Variants in TPO observed in about 807,000 individuals in gnomAD.
TPO encodes the protein thyroid peroxidase, also known as thyroid microsomal antigen.
TPO carries 78 observed loss-of-function variants against 96.9 expected under a neutral mutation model. The ratio of observed to expected loss-of-function variants is 0.81; its 90% CI spans 0.67 to 0.97. TPO has a LOEUF of 0.97. TPO is among the 50% of genes least tolerant of loss of function. The pLI is 0.00. For missense variants in TPO, 1,252 were observed against 1,274.8 expected (o/e 0.98, Z 0.27); for synonymous variants, 547 against 538.0 (o/e 1.02, Z -0.23).
chr2:1,484,588 C>T lies in TPO; in HGVS notation c.1339-8C>T. Reference sequence around the variant, plus strand: ...GGCCTCACTGAGATGCTTTTCCTATCTGCACAGATCATCACCCTGAGGGAT... The same window carrying T: ...GGCCTCACTGAGATGCTTTTCCTATTTGCACAGATCATCACCCTGAGGGAT... On this transcript the variant is annotated splice_polypyrimidine_tract_variant and splice_region_variant and intron_variant, in intron 8 of 16. Coordinates refer to ENST00000329066, the MANE Select transcript of TPO (RefSeq NM_001206744.2). 1 of 1,614,100 alleles carries T rather than the reference C, an allele frequency of 6.2e-7. No homozygotes were observed. The highest frequency in any genetic ancestry group is 8.5e-7 in the Non-Finnish European group (1 of 1,180,030).
chr2:1,475,600 T>A (rs1573340047), intron 7 of TPO, among the ~76,000 whole-genome samples: 1 of 152,148 alleles, frequency 6.6e-6, no homozygotes, highest in East Asian at 1.9e-4. Context: ...ATTTTTTGTA[T>A]TTTAAGTAGA....
At chr2:1,514,484 T>C (rs1302812712) in intron 14 of TPO, among the ~76,000 whole-genome samples, 1 of 152,184 alleles carries the variant, frequency 6.6e-6, no homozygotes, top group Non-Finnish European at 1.5e-5. Flanking sequence ...CCGATGCCGT[T>C]TCTTTCCAAA....
intron 7 of TPO, among the ~76,000 whole-genome samples, chr2:1,476,722 G>T (rs942938645): frequency 6.6e-6 from 1 of 152,226 alleles, no homozygotes; most frequent in African/African-American, 2.4e-5. Context: ...CTAGGATGTG[G>T]GGTCCATCCT....
At chr2:1,523,185 T>C (rs1407355276) in intron 15 of TPO, among the ~76,000 whole-genome samples, 27 of 43,786 alleles carry the variant, frequency 6.2e-4, no homozygotes, top group South Asian at 9.0e-4. Context: ...CCTCCTCAAA[T>C]CCCCCCAACT....
chr2:1,431,146 G>A (rs958947807), intron 3 of TPO, among the ~76,000 whole-genome samples: 2 of 151,964 alleles, frequency 1.3e-5, no homozygotes, highest in Non-Finnish European at 2.9e-5. Flanking sequence ...GGTGAGAGGC[G>A]ATTGGATCAC....
At chr2:1,423,428 G>C (rs1663995958) in intron 3 of TPO, among the ~76,000 whole-genome samples, 1 of 152,126 alleles carries the variant, frequency 6.6e-6, no homozygotes, top group East Asian at 1.9e-4. Context: ...CTCTTCTCCA[G>C]GATTAGGACA....
intron 13 of TPO, among the ~76,000 whole-genome samples, chr2:1,497,607 A>G (rs1388804589): frequency 6.6e-6 from 1 of 152,166 alleles, no homozygotes; most frequent in Non-Finnish European, 1.5e-5. Flanking sequence ...CAGTGGCGTC[A>G]GGGCAGGCAG....
intron 3 of TPO, among the ~76,000 whole-genome samples, chr2:1,426,532 G>A (rs889777772): frequency 6.6e-6 from 1 of 151,272 alleles, no homozygotes; most frequent in African/African-American, 2.4e-5. Flanking sequence ...TAAAGTCATT[G>A]TTCTAGATGC....
chr2:1,533,427 G>A (rs1001347236), intron 15 of TPO, among the ~76,000 whole-genome samples: 1 of 93,142 alleles, frequency 1.1e-5, no homozygotes, highest in Non-Finnish European at 2.1e-5. Context: ...CCCCAAATGT[G>A]TGCAACCTCC....
At chr2:1,537,168 T>A (rs1573657702) in intron 15 of TPO, among the ~76,000 whole-genome samples, 1 of 36,838 alleles carries the variant, frequency 2.7e-5, no homozygotes, top group Admixed American at 4.1e-4. Flanking sequence ...AAGTGCCCCC[T>A]ATTTCCCCAA....
intron 1 of TPO, among the ~76,000 whole-genome samples, chr2:1,396,501 T>C (rs776285778): frequency 5.3e-5 from 8 of 152,228 alleles, no homozygotes; most frequent in African/African-American, 9.6e-5. Flanking sequence ...TATTTTTTGA[T>C]TCAGCAGTGG....
intron 14 of TPO, among the ~76,000 whole-genome samples, chr2:1,510,882 TATATAG>T (rs1403496842): frequency 6.6e-5 from 10 of 152,210 alleles, no homozygotes; most frequent in Non-Finnish European, 7.3e-5. Context: ...CAGATGCAGA[TATATAG>T]ATATAGATAT....
intron 7 of TPO, among the ~76,000 whole-genome samples, chr2:1,461,741 C>T (rs913888466): frequency 2.0e-5 from 3 of 152,144 alleles, no homozygotes; most frequent in Non-Finnish European, 2.9e-5. Context: ...CCTATACATG[C>T]TCATGACACA....
chr2:1,409,940 G>A (rs1005096914), upstream of TPO, among the ~76,000 whole-genome samples: 1 of 150,424 alleles, frequency 6.6e-6, no homozygotes, highest in Non-Finnish European at 1.5e-5. Context: ...AGGGTTACGG[G>A]GCAGGTGCGG....
chr2:1,463,179 T>A lies in TPO; in HGVS notation c.819+6897T>A, dbSNP rs184315982. On this transcript the variant is annotated intron_variant, in intron 7 of 16. Coordinates refer to ENST00000329066, the MANE Select transcript of TPO (RefSeq NM_001206744.2). ...TCTCCAGGGCACTTTCCAGGGCTCT[T>A]GGTGTCAGGCATGAACCTCCTGGCT... 4.9e-3 allele frequency among the ~76,000 whole-genome samples: 741 copies of A among 152,208 alleles called. 3 individuals carry two copies. Among genetic ancestry groups the A allele is most frequent in the African/African-American group, 0.017 (690 of 41,528 alleles).
At chr2:1,471,231 G>C (rs537166088) in intron 7 of TPO, among the ~76,000 whole-genome samples, 3 of 152,140 alleles carry the variant, frequency 2.0e-5, no homozygotes, top group Non-Finnish European at 1.5e-5. Context: ...CCTCTGGGGT[G>C]GCAGATCTTT....
intron 15 of TPO, among the ~76,000 whole-genome samples, chr2:1,533,245 C>T (rs1290755359): frequency 9.7e-5 from 7 of 72,444 alleles, no homozygotes; most frequent in Non-Finnish European, 1.4e-4. Context: ...CTCCCCAAAT[C>T]CCCCACACTA....
At chr2:1,457,834 T>C (rs1256931828) in intron 7 of TPO, among the ~76,000 whole-genome samples, 1 of 152,024 alleles carries the variant, frequency 6.6e-6, no homozygotes, top group Non-Finnish European at 1.5e-5. Flanking sequence ...GTATATAGCA[T>C]ATAGGATTAT....
chr2:1,438,533 T>C (rs1047713021), intron 5 of TPO, among the ~76,000 whole-genome samples: 1 of 152,132 alleles, frequency 6.6e-6, no homozygotes, highest in Non-Finnish European at 1.5e-5. Context: ...AGGTGCATTC[T>C]GATGGCTCTC....
Sources: allele counts gnomAD v4.1 joint callset (sites outside exome capture counted in the v4.1 genomes callset), GRCh38; gene constraint gnomAD v4.1.1; transcripts MANE v1.5; gene names NCBI Gene and HGNC (gene_info 2026-07-23, HGNC 2026-07-21).